Variants in SIPA1L1 observed in about 807,000 individuals in gnomAD.
The protein encoded by SIPA1L1 is signal induced proliferation associated 1 like 1, also known as signal-induced proliferation-associated 1-like protein 1.
In SIPA1L1, 26 loss-of-function variants were observed where a neutral mutation model predicts 162.7. The ratio of observed to expected loss-of-function variants is 0.16; its 90% CI spans 0.12 to 0.22. The LOEUF is 0.22. Among genes scored for constraint, SIPA1L1 ranks in the 10% least tolerant of loss-of-function variants. The pLI is 1.00. For synonymous variants in SIPA1L1, 829 were observed against 837.4 expected, an observed-to-expected ratio of 0.99 and a Z score of 0.17; for missense variants, 1,874 against 2,241.0, an observed-to-expected ratio of 0.84 and a Z score of 3.31.
At chr14:71,330,220 C>T (rs1233955151) in intron 2 of SIPA1L1, 1 of 629,546 alleles carries the variant, frequency 1.6e-6, no homozygotes, top group Non-Finnish European at 2.9e-6. Flanking sequence ...TTAGCTGTCT[C>T]CCCATCCTCC....
intron 2 of SIPA1L1, among the ~76,000 whole-genome samples, chr14:71,370,565 A>G (rs2038791280): frequency 6.6e-6 from 1 of 152,166 alleles, no homozygotes. Flanking sequence ...AGTAACACCA[A>G]CACAACAGTA....
At position 71,374,286 on chromosome 14, in the gene SIPA1L1, A is replaced by G. The variant is rs1042569512; in HGVS notation, c.-465+53105A>G. 1.1e-4 allele frequency among the ~76,000 whole-genome samples: 16 copies of G among 152,254 alleles called. 1 individual carries two copies. The highest frequency in any genetic ancestry group is 3.4e-3 in the Middle Eastern group (1 of 294). ...ACTAAATGCTTTTATTGAACGATTCATTCTTCAATTTATCAGTAAGAGTTA... is the reference window on the plus strand; with the variant it reads ...ACTAAATGCTTTTATTGAACGATTCGTTCTTCAATTTATCAGTAAGAGTTA... On this transcript the variant is annotated intron_variant, in intron 2 of 23. Transcript: ENST00000381232.
chr14:71,326,160 A>G (rs2140196166), intron 2 of SIPA1L1, among the ~76,000 whole-genome samples: 2 of 151,314 alleles, frequency 1.3e-5, no homozygotes, highest in Middle Eastern at 3.5e-3. Context: ...CTTTTACCAA[A>G]GCTATGAACA....
intron 8 of SIPA1L1, among the ~76,000 whole-genome samples, chr14:71,654,615 A>T (rs2042905225): frequency 6.6e-6 from 1 of 152,220 alleles, no homozygotes; most frequent in African/African-American, 2.4e-5. Context: ...AGATCTTAAA[A>T]GAGATATAAG....
intron 2 of SIPA1L1, among the ~76,000 whole-genome samples, chr14:71,365,121 G>C (rs2038167820): frequency 6.6e-6 from 1 of 151,994 alleles, no homozygotes; most frequent in Non-Finnish European, 1.5e-5. Flanking sequence ...TGACCTTTTG[G>C]GCTCAAGCCA....
At chr14:71,470,880 C>G (rs2047397763) in intron 2 of SIPA1L1, among the ~76,000 whole-genome samples, 1 of 151,932 alleles carries the variant, frequency 6.6e-6, no homozygotes, top group African/African-American at 2.4e-5. Flanking sequence ...CTCTGTTGCC[C>G]AGGCTGGAGT....
Position 71,589,158 on chromosome 14 carries a change from T to G in SIPA1L1, c.1286T>G (p.Ile429Ser). ...ATAGGTGGAGAAGGGGAGAGGAAAA[T>G]CAGCCTTTCAAAATCAAATTCTGGC... Reference protein sequence around the residue: ...NEIGGEGERKISLSKSNSGSF... With the variant: ...NEIGGEGERKSSLSKSNSGSF... The change falls in exon 5 of 24, where the codon ATC becomes AGC. Residue 429 changes from isoleucine (I) to serine (S), a missense_variant. This residue lies in a region of SIPA1L1 where 685 missense variants were observed against 828.0 expected (regional missense o/e 0.83). Coordinates refer to ENST00000381232, the MANE Select transcript of SIPA1L1 (RefSeq NM_001386936.1). 1 of 1,614,052 alleles carries G rather than the reference T, an allele frequency of 6.2e-7. No homozygotes were observed. The highest frequency in any genetic ancestry group is 8.5e-7 in the Non-Finnish European group (1 of 1,179,958).
chr14:71,476,913 C>T (rs930656280), intron 2 of SIPA1L1, among the ~76,000 whole-genome samples: 5 of 151,918 alleles, frequency 3.3e-5, no homozygotes, highest in African/African-American at 7.3e-5. Context: ...AATCTAAACA[C>T]GTATAGACTT....
intron 2 of SIPA1L1, chr14:71,398,203 G>C (rs1248507193): frequency 3.3e-5 from 5 of 151,920 alleles, no homozygotes; most frequent in Non-Finnish European, 7.4e-5. Flanking sequence ...TTTTAGTAGA[G>C]ACGGGGTTTC....
At chr14:71,529,918 T>C (rs1320535148) in intron 4 of SIPA1L1, among the ~76,000 whole-genome samples, 1 of 152,208 alleles carries the variant, frequency 6.6e-6, no homozygotes, top group African/African-American at 2.4e-5. Flanking sequence ...TTCTGGATGT[T>C]GTTGTGCGCT....
At chr14:71,570,857 G>A (rs1190854259) in intron 4 of SIPA1L1, among the ~76,000 whole-genome samples, 1 of 152,116 alleles carries the variant, frequency 6.6e-6, no homozygotes, top group African/African-American at 2.4e-5. Context: ...CACCATCTCG[G>A]CTCACTGTAA....
intron 7 of SIPA1L1, among the ~76,000 whole-genome samples, chr14:71,634,095 A>T (rs759367263): frequency 7.9e-5 from 12 of 151,810 alleles, no homozygotes; most frequent in Non-Finnish European, 1.3e-4. Flanking sequence ...AAGATAAATG[A>T]CATGTTACCT....
chr14:71,404,949 C>T (rs959974521), intron 2 of SIPA1L1, among the ~76,000 whole-genome samples: 5 of 152,174 alleles, frequency 3.3e-5, no homozygotes, highest in African/African-American at 4.8e-5. Flanking sequence ...ATAGTTCATT[C>T]ATTCAACAGA....
At chr14:71,555,873 T>C (rs2056309060) in intron 4 of SIPA1L1, among the ~76,000 whole-genome samples, 1 of 152,150 alleles carries the variant, frequency 6.6e-6, no homozygotes, top group Non-Finnish European at 1.5e-5. Flanking sequence ...TGACATTTGT[T>C]GATTGATTGC....
intron 2 of SIPA1L1, among the ~76,000 whole-genome samples, chr14:71,505,091 T>G (rs1205960066): frequency 6.6e-6 from 1 of 152,212 alleles, no homozygotes; most frequent in Admixed American, 6.5e-5. Context: ...TACTGACCAT[T>G]CACTTTCCTT....
chr14:71,353,896 C>G (rs2036962588), intron 2 of SIPA1L1, among the ~76,000 whole-genome samples: 1 of 151,742 alleles, frequency 6.6e-6, no homozygotes. Context: ...CAGCCATCTG[C>G]TTGTATTTTA....
intron 12 of SIPA1L1, among the ~76,000 whole-genome samples, chr14:71,683,022 T>C (rs2045948070): frequency 6.6e-6 from 1 of 152,096 alleles, no homozygotes; most frequent in African/African-American, 2.4e-5. Flanking sequence ...AGCGTGGCAG[T>C]GCACACCTGT....
intron 2 of SIPA1L1, among the ~76,000 whole-genome samples, chr14:71,461,845 C>A (rs914930771): frequency 6.6e-6 from 1 of 152,164 alleles, no homozygotes; most frequent in African/African-American, 2.4e-5. Flanking sequence ...TCGTGCAGAA[C>A]CATCTGTGAA....
At chr14:71,500,636 A>G (rs2050133297) in intron 2 of SIPA1L1, among the ~76,000 whole-genome samples, 1 of 152,242 alleles carries the variant, frequency 6.6e-6, no homozygotes, top group Non-Finnish European at 1.5e-5. Flanking sequence ...TCTGTGCCCC[A>G]AAGAATATGC....
Sources: allele counts gnomAD v4.1 joint callset (sites outside exome capture counted in the v4.1 genomes callset), GRCh38; gene constraint gnomAD v4.1.1; regional missense constraint gnomAD v4.1.1; transcripts MANE v1.5; gene names NCBI Gene and HGNC (gene_info 2026-07-23, HGNC 2026-07-21).